INTS3: variants seen among roughly 807,000 people sequenced by gnomAD.
INTS3 encodes integrator complex subunit 3.
A neutral mutation model predicts 146.3 loss-of-function variants in INTS3; 34 were observed. The ratio of observed to expected loss-of-function variants is 0.23; its 90% confidence interval spans 0.18 to 0.31. INTS3 has a LOEUF of 0.31. Ranked by LOEUF, INTS3 falls within the 10% of genes least tolerant of loss-of-function variation. INTS3 has a pLI of 1.00. For synonymous variants in INTS3, 475 were observed against 494.9 expected (o/e 0.96, Z 0.53); for missense variants, 757 against 1,304.2 (o/e 0.58, Z 6.46).
At chr1:153,766,809 C>T (rs1227242896) in intron 20 of INTS3, 1 of 151,804 alleles carries the variant, frequency 6.6e-6, no homozygotes, top group East Asian at 1.9e-4. Context: ...CCTGCCTCAG[C>T]CTGCTGAGTA....
At chr1:153,763,911 G>A in intron 17 of INTS3, 25 bp downstream of exon 17, 3 of 1,608,116 alleles carry the variant, frequency 1.9e-6, no homozygotes, top group South Asian at 1.1e-5. Context: ...AATCCCTTAG[G>A]GAGGAAGCAG....
chr1:153,738,072 G>A lies in INTS3; in HGVS notation c.151-2579G>A, dbSNP rs183841491. Among the ~76,000 whole-genome samples the A allele has an allele frequency of 3.2e-3, 486 of 152,082 alleles. 5 individuals carry two copies. Among genetic ancestry groups the A allele is most frequent in the Middle Eastern group, 3.4e-3 (1 of 294 alleles). On this transcript the variant is annotated intron_variant, in intron 1 of 29. Transcript: ENST00000318967. Reference sequence around the variant, plus strand: ...TTTTATATAAAGTCTATAAGAAAAGGACTTTTAAAAAACATAATCATAATA... The same window carrying A: ...TTTTATATAAAGTCTATAAGAAAAGAACTTTTAAAAAACATAATCATAATA...
chr1:153,750,058 G>A (rs1184951640), intron 6 of INTS3, among the ~76,000 whole-genome samples: 1 of 152,228 alleles, frequency 6.6e-6, no homozygotes, highest in Non-Finnish European at 1.5e-5. Context: ...AAAGGTAGCA[G>A]GTAGGGGAGG....
chr1:153,742,181 G>T (rs951553373), intron 3 of INTS3, among the ~76,000 whole-genome samples: 11 of 152,208 alleles, frequency 7.2e-5, no homozygotes, highest in African/African-American at 2.7e-4. Flanking sequence ...ATGCCAGCTG[G>T]AATAGGGTCT....
chr1:153,757,574 G>A lies in INTS3; in HGVS notation c.960G>A (p.Val320=). 1 of 1,612,842 alleles carries A rather than the reference G, an allele frequency of 6.2e-7. No individual in the cohort carries two copies. The stretch of plus-strand genomic sequence containing the variant: ...TTTCTTGCTTCCCCTTTCCCCAGGT[G>A]CGATTTGGTCAACAAAAGCGATACC... The part of the protein sequence containing the change: ...ETKLLFMTSR[V]RFGQQKRYQD... The change falls in exon 10 of 30, where the codon GTG becomes GTA. Residue 320 remains valine (V), a splice_region_variant and synonymous_variant. Transcript: ENST00000318967. This position sits in a 1 kb window ranked among gnomAD's most constrained non-coding sequence, Gnocchi z 4.0.
At chr1:153,730,313 C>G (rs1671016022) in intron 1 of INTS3, among the ~76,000 whole-genome samples, 1 of 152,118 alleles carries the variant, frequency 6.6e-6, no homozygotes, top group Admixed American at 6.6e-5. Flanking sequence ...ACAATGTATT[C>G]CCAAAACAGG....
chr1:153,730,723 G>A (rs1004971613), intron 1 of INTS3, among the ~76,000 whole-genome samples: 5 of 152,148 alleles, frequency 3.3e-5, no homozygotes, highest in Non-Finnish European at 5.9e-5. Flanking sequence ...GGAAAAGGGG[G>A]AGGGAGGGTC....
chr1:153,729,540 T>C (rs1190848030), intron 1 of INTS3, among the ~76,000 whole-genome samples: 1 of 152,174 alleles, frequency 6.6e-6, no homozygotes, highest in African/African-American at 2.4e-5. Flanking sequence ...ACGTATACCT[T>C]TCCACTCCTA....
chr1:153,754,533 G>A (rs1253729105), intron 8 of INTS3, 109 bp from the exon 9 acceptor site: 9 of 796,154 alleles, frequency 1.1e-5, no homozygotes, highest in Middle Eastern at 4.5e-4. Flanking sequence ...GAATTTCTCC[G>A]TGAGCAAGAC....
In INTS3 at chr1:153,728,748, T is replaced by C. The variant is rs766075957; in HGVS notation, c.114T>C (p.Leu38=). 1.2e-6 allele frequency: 2 copies of C among 1,608,478 alleles called. No homozygotes were observed. Among genetic ancestry groups the C allele is most frequent in the South Asian group, 1.1e-5 (1 of 90,954 alleles). ...CCCCAGGAGGGGGGAGGCTGCTACT[T>C]TCAACCAGTTTGGATGCCAAGGATG... The part of the protein sequence containing the change: ...AGAPGGGRLL[L]STSLDAKDEL... The change falls in exon 1 of 30, where the codon CTT becomes CTC. Residue 38 remains leucine (L), a synonymous_variant. Transcript: ENST00000318967.
chr1:153,747,320 G>A lies in INTS3; in HGVS notation c.474G>A (p.Leu158=). The A allele has an allele frequency of 6.2e-7, 1 of 1,614,176 alleles. No individual in the cohort carries two copies. ...GGGAACTGGTGAAGAGTGGGGTTCT[G>A]GGAGCCGATGGTGTTTGTATGACGT... is the stretch of plus-strand genomic sequence containing the variant. ...LVRELVKSGV[L]GADGVCMTFM... The change falls in exon 5 of 30, where the codon CTG becomes CTA. Residue 158 remains leucine, a synonymous_variant. Transcript: ENST00000318967.
intron 6 of INTS3, among the ~76,000 whole-genome samples, chr1:153,749,728 G>A (rs747456053): frequency 3.1e-4 from 47 of 152,256 alleles, no homozygotes; most frequent in Non-Finnish European, 6.5e-4. Context: ...TACTGTCCTG[G>A]GTCAGGGGGC....
In INTS3 at chr1:153,772,130, T is replaced by C. The variant is rs1319411893; in HGVS notation, c.2720+167T>C. Among the ~76,000 whole-genome samples, 2 of 152,122 alleles carry C rather than the reference T, an allele frequency of 1.3e-5. No individual in the cohort carries two copies. On this transcript the variant is annotated intron_variant, in intron 26 of 29. Transcript: ENST00000318967. This position sits in a 1 kb window ranked among gnomAD's most constrained non-coding sequence, Gnocchi z 4.6. ...AGCCACATGGCATGCGAGACCACCGTGGCCCTTTCTCCCCATCTTCCAGTG... is the reference window on the plus strand; with the variant it reads ...AGCCACATGGCATGCGAGACCACCGCGGCCCTTTCTCCCCATCTTCCAGTG...
At position 153,773,310 on chromosome 1, in the gene INTS3, T is replaced by C; in HGVS notation, c.*40T>C. On this transcript the variant is annotated 3_prime_UTR_variant, in exon 30 of 30. Transcript: ENST00000318967. ...CATCCCACCCCCGGCTGGACTGCCCTCTCCTTCTTGGTGATTCAAAGGTTA... is the reference window on the plus strand; with the variant it reads ...CATCCCACCCCCGGCTGGACTGCCCCCTCCTTCTTGGTGATTCAAAGGTTA... 6.4e-7 allele frequency: 1 copy of C among 1,562,150 alleles called. No homozygotes were observed. The highest frequency in any genetic ancestry group is 8.8e-7 in the Non-Finnish European group (1 of 1,132,714).
chr1:153,745,918 T>C (rs1434066843), intron 3 of INTS3, among the ~76,000 whole-genome samples: 2 of 152,096 alleles, frequency 1.3e-5, no homozygotes, highest in Admixed American at 1.3e-4. Flanking sequence ...CTAGGGAACA[T>C]AGTGAGACCT....
In INTS3 at chr1:153,773,854, G is replaced by T. The variant is rs1473178422; in HGVS notation, c.*584G>T. The T allele has an allele frequency of 1.2e-5, 2 of 169,722 alleles. No homozygotes were observed. The highest frequency in any genetic ancestry group is 6.3e-5 in the Admixed American group (1 of 15,938). 10.5% of individuals were successfully genotyped at this position (169,722 alleles called of 1,614,324 possible). On this transcript the variant is annotated 3_prime_UTR_variant, in exon 30 of 30. Coordinates refer to ENST00000318967, the MANE Select transcript of INTS3 (RefSeq NM_023015.5). ...ATTCAGAAAGGAGTCTGAAAGGGTGGCCACAGCCCCACGTGGTGTGCCCTG... is the reference window on the plus strand; with the variant it reads ...ATTCAGAAAGGAGTCTGAAAGGGTGTCCACAGCCCCACGTGGTGTGCCCTG...
chr1:153,741,550 TTCTC>T (rs1671535859), intron 3 of INTS3, among the ~76,000 whole-genome samples, 182 bp downstream of exon 3: 1 of 152,234 alleles, frequency 6.6e-6, no homozygotes, highest in Non-Finnish European at 1.5e-5. Flanking sequence ...CTAAAGTCCT[TTCTC>T]TATCTCCAGA....
At chr1:153,739,808 T>C (rs970124128) in intron 1 of INTS3, among the ~76,000 whole-genome samples, 1 of 151,722 alleles carries the variant, frequency 6.6e-6, no homozygotes, top group Non-Finnish European at 1.5e-5. Flanking sequence ...AAAATATATT[T>C]TTTTGAGACA....
At chr1:153,770,755 CT>C in intron 25 of INTS3, 22 bp downstream of exon 25, 1 of 1,595,598 alleles carries the variant, frequency 6.3e-7, no homozygotes, top group Non-Finnish European at 8.6e-7. Flanking sequence ...TTCTGGGGCT[CT>C]TTAGCCCTCA....
Sources: allele counts gnomAD v4.1 joint callset (sites outside exome capture counted in the v4.1 genomes callset), GRCh38; gene constraint gnomAD v4.1.1; non-coding constraint Gnocchi (gnomAD v3.1); transcripts MANE v1.5; gene names NCBI Gene and HGNC (gene_info 2026-07-23, HGNC 2026-07-21).